The following ATP6V1H variants were observed in gnomAD, a reference collection of about 807,000 sequenced individuals.
ATP6V1H encodes V-type proton ATPase subunit H.
ATP6V1H carries 39 observed loss-of-function variants against 71.7 expected under a neutral mutation model. That is an observed-to-expected ratio of 0.54 (90% CI 0.42 to 0.71). The LOEUF (loss-of-function observed/expected upper bound fraction) is 0.71. Among genes scored for constraint, ATP6V1H ranks in the 30% least tolerant of loss-of-function variants. The probability of loss-of-function intolerance (pLI) is 0.00; values close to 1 mark genes in which losing one functional copy is unlikely to be tolerated. For synonymous variants in ATP6V1H, 192 were observed against 199.3 expected, an observed-to-expected ratio of 0.96 and a Z score of 0.31; for missense variants, 509 against 594.9, an observed-to-expected ratio of 0.86 and a Z score of 1.50.
chr8:53,754,011 A>C (rs1807902249), intron 12 of ATP6V1H, among the ~76,000 whole-genome samples: 1 of 152,128 alleles, frequency 6.6e-6, no homozygotes, highest in South Asian at 2.1e-4. Flanking sequence ...CCCAAGCCTC[A>C]ATTTCCACAA....
chr8:53,811,170 T>G lies in ATP6V1H; in HGVS notation c.573A>C (p.Ser191=). The G allele has an allele frequency of 6.2e-7, 1 of 1,613,074 alleles. No individual in the cohort carries two copies. Among genetic ancestry groups the G allele is most frequent in the Non-Finnish European group, 8.5e-7 (1 of 1,179,226 alleles). ...AGTGAAGGAATATACTTACATCACT[T>G]GAAGAGACTGTTCCTGTTTCAACAG... ...GVAVETGTVS[S]SDSSQYVQCV... Residue 191 remains serine, a synonymous_variant, in exon 7 of 14, where the codon TCA becomes TCC. Coordinates refer to ENST00000359530, the MANE Select transcript of ATP6V1H (RefSeq NM_015941.4).
chr8:53,770,880 G>C (rs893345501), intron 10 of ATP6V1H, among the ~76,000 whole-genome samples: 1 of 152,020 alleles, frequency 6.6e-6, no homozygotes, highest in South Asian at 2.1e-4. Flanking sequence ...GCCTATTCCT[G>C]GCCTGCCTAT....
At position 53,829,548 on chromosome 8, in the gene ATP6V1H, G is replaced by A. The variant is rs757402029; in HGVS notation, c.217-15C>T. 1.4e-6 allele frequency: 2 copies of A among 1,408,564 alleles called. No individual in the cohort carries two copies. The highest frequency in any genetic ancestry group is 1.2e-5 in the South Asian group (1 of 80,286). The allele number at this position is 1,408,564 out of a possible 1,614,324, so 87.3% of individuals were successfully genotyped here. A position where few individuals can be genotyped will look rare whatever the true frequency, so the allele number is the denominator to read the frequency against. On this transcript the variant is annotated splice_polypyrimidine_tract_variant and intron_variant, in intron 3 of 13. Transcript: ENST00000359530. ...GTTTTAGCACACTAAAAAAAAAAATGAAATTAAAGTTATTGTTTTTATTTG... is the reference window on the plus strand; with the variant it reads ...GTTTTAGCACACTAAAAAAAAAAATAAAATTAAAGTTATTGTTTTTATTTG...
chr8:53,731,281 C>T (rs1276435714), intron 13 of ATP6V1H, among the ~76,000 whole-genome samples: 1 of 152,016 alleles, frequency 6.6e-6, no homozygotes, highest in Non-Finnish European at 1.5e-5. Context: ...ACAGCTCTCA[C>T]GATAAGGAAG....
At chr8:53,735,224 G>A (rs1400429670) in intron 13 of ATP6V1H, among the ~76,000 whole-genome samples, 1 of 152,166 alleles carries the variant, frequency 6.6e-6, no homozygotes, top group Middle Eastern at 3.4e-3. Flanking sequence ...ACCTACTCTG[G>A]GTGGGTGGAG....
At chr8:53,791,165 A>G (rs933599464) in intron 9 of ATP6V1H, among the ~76,000 whole-genome samples, 11 of 152,214 alleles carry the variant, frequency 7.2e-5, no homozygotes, top group African/African-American at 2.7e-4. Flanking sequence ...AAAAGATGCA[A>G]TATCTATTTT....
chr8:53,824,692 A>C (rs1023725456), intron 4 of ATP6V1H, among the ~76,000 whole-genome samples: 3 of 152,286 alleles, frequency 2.0e-5, no homozygotes, highest in Admixed American at 6.5e-5. Flanking sequence ...CCTATTCTTA[A>C]TAATAGCACT....
intron 9 of ATP6V1H, among the ~76,000 whole-genome samples, chr8:53,786,393 A>T (rs1475749335): frequency 1.3e-5 from 2 of 152,192 alleles, no homozygotes; most frequent in Non-Finnish European, 2.9e-5. Context: ...GGAAAAGCGC[A>T]GTATTAGGGT....
At chr8:53,723,800 C>T (rs1806708638) in intron 13 of ATP6V1H, among the ~76,000 whole-genome samples, 1 of 152,194 alleles carries the variant, frequency 6.6e-6, no homozygotes, top group South Asian at 2.1e-4. Context: ...GGGGTCACAA[C>T]GCAGTATGTG....
chr8:53,840,487 G>C (rs1811309822), intron 2 of ATP6V1H, among the ~76,000 whole-genome samples: 2 of 146,546 alleles, frequency 1.4e-5, no homozygotes, highest in African/African-American at 5.2e-5. Flanking sequence ...AACAGAGTGA[G>C]ACTCTGTCTC....
rs943440764 is a variant in ATP6V1H at position 53,716,043 on chromosome 8, G to A, written c.1392-19C>T. On this transcript the variant is annotated intron_variant, in intron 13 of 13. Transcript: ENST00000359530. ...GTATTCCCTGAAAAAAAAGAATGAA[G>A]TAAGGAGAATGAGAATTTCAATAGC... The A allele has an allele frequency of 2.5e-6, 4 of 1,595,102 alleles. No individual in the cohort carries two copies. Among genetic ancestry groups the A allele is most frequent in the Non-Finnish European group, 3.4e-6 (4 of 1,170,184 alleles).
rs763629252 is a variant in ATP6V1H, at chr8:53,817,579, A to C, written c.307-49T>G. ...CACCAGTCAGAACACATTTTGCTAA[A>C]GAATGTAACGACTGTGCACCACTTC... On this transcript the variant is annotated intron_variant, in intron 4 of 13. Coordinates refer to ENST00000359530, the MANE Select transcript of ATP6V1H (RefSeq NM_015941.4). The C allele has an allele frequency of 5.7e-6, 7 of 1,217,538 alleles. No individual in the cohort carries two copies. In the South Asian group the frequency reaches 9.0e-5, roughly 16 times the overall value. The allele number at this position is 1,217,538 out of a possible 1,614,324, so 75.4% of individuals were successfully genotyped here.
intron 8 of ATP6V1H, among the ~76,000 whole-genome samples, chr8:53,799,046 T>C (rs1809831356): frequency 6.6e-6 from 1 of 152,192 alleles, no homozygotes; most frequent in Admixed American, 6.5e-5. Context: ...GAGATTGCTA[T>C]TTCATGACTT....
chr8:53,773,135 C>A (rs1935503088), intron 9 of ATP6V1H, among the ~76,000 whole-genome samples: 1 of 152,056 alleles, frequency 6.6e-6, no homozygotes, highest in African/African-American at 2.4e-5. Flanking sequence ...ATTTTTCTTT[C>A]TATCACAAGT....
chr8:53,782,353 G>C (rs898591106), intron 9 of ATP6V1H, among the ~76,000 whole-genome samples: 1 of 151,914 alleles, frequency 6.6e-6, no homozygotes, highest in African/African-American at 2.4e-5. Flanking sequence ...GTCTGTTACT[G>C]GTGTATAGGA....
intron 9 of ATP6V1H, among the ~76,000 whole-genome samples, chr8:53,790,711 A>G (rs923399504): frequency 2.0e-5 from 3 of 152,160 alleles, no homozygotes; most frequent in Non-Finnish European, 4.4e-5. Flanking sequence ...CTTTGTAGTG[A>G]GGAGGGCCAA....
chr8:53,770,393 G>A (rs1026076105), intron 10 of ATP6V1H, among the ~76,000 whole-genome samples: 1 of 152,146 alleles, frequency 6.6e-6, no homozygotes, highest in Non-Finnish European at 1.5e-5. Context: ...GTAGGAAAAT[G>A]TTTAATGTGG....
chr8:53,785,121 C>A (rs1421637807), intron 9 of ATP6V1H, among the ~76,000 whole-genome samples: 1 of 152,062 alleles, frequency 6.6e-6, no homozygotes, highest in Non-Finnish European at 1.5e-5. Context: ...TGGATAATAT[C>A]CTGCAGAGTG....
At chr8:53,756,064 C>CT (rs1808045059) in intron 12 of ATP6V1H, among the ~76,000 whole-genome samples, 1 of 124,706 alleles carries the variant, frequency 8.0e-6, no homozygotes, top group Admixed American at 8.2e-5. Context: ...TATTCTTTTT[C>CT]TTTTCTTTTT....
Sources: gnomAD v4.1 joint callset for allele counts (sites outside exome capture counted in the v4.1 genomes callset) on GRCh38, gnomAD v4.1.1 for gene constraint, MANE v1.5 for transcripts, NCBI Gene and HGNC (gene_info 2026-07-23, HGNC 2026-07-21) for gene names.